SF3A3: variants seen among roughly 807,000 people sequenced by gnomAD.
SF3A3 encodes splicing factor 3a subunit 3.
SF3A3 carries 9 observed loss-of-function variants against 85.8 expected under a neutral mutation model. The observed-to-expected ratio is 0.10, with a 90% CI of 0.06 to 0.18. The LOEUF is 0.18. Ranked by LOEUF, SF3A3 falls within the 10% of genes least tolerant of loss-of-function variation. The pLI, the probability that SF3A3 is intolerant of heterozygous loss-of-function variation, is 1.00. For missense variants in SF3A3, 306 were observed against 593.3 expected (o/e 0.52, Z 5.03); for synonymous variants, 195 against 204.4 (o/e 0.95, Z 0.39).
At chr1:37,983,480 T>C (rs1266484064) in intron 6 of SF3A3, among the ~76,000 whole-genome samples, 1 of 140,496 alleles carries the variant, frequency 7.1e-6, no homozygotes, top group Non-Finnish European at 1.5e-5. Context: ...AAGTACTTGG[T>C]GGGGCTGAGG....
Position 37,969,628 on chromosome 1 carries a change from A to T in SF3A3, c.1113T>A (p.Asp371Glu), listed in dbSNP as rs773710022. 6.2e-7 allele frequency: 1 copy of T among 1,614,046 alleles called. No homozygotes were observed. The highest frequency in any genetic ancestry group is 8.5e-7 in the Non-Finnish European group (1 of 1,179,984). The change falls in exon 13 of 17, where the codon GAT (aspartate) becomes GAA (glutamate). Residue 371 changes from aspartate to glutamate, a missense_variant. Coordinates refer to ENST00000373019, the MANE Select transcript of SF3A3 (RefSeq NM_006802.4). ...GGTTGTAAATGATCTCGTTCTCTTC[A>T]TCTTCACTCTCACTCTCACTGATCT... Reference protein sequence around the residue: ...EEQISESESEDEENEIIYNPK... With the variant: ...EEQISESESEEEENEIIYNPK...
At chr1:37,986,524 T>C (rs1479052062) in intron 4 of SF3A3, among the ~76,000 whole-genome samples, 1 of 151,880 alleles carries the variant, frequency 6.6e-6, no homozygotes, top group Non-Finnish European at 1.5e-5. Flanking sequence ...CTCCAGGGCA[T>C]ATGAGGGCCG....
intron 5 of SF3A3, 67 bp downstream of exon 5, chr1:37,984,640 T>C (rs1027782226): frequency 3.8e-6 from 4 of 1,059,306 alleles, no homozygotes; most frequent in Non-Finnish European, 5.9e-6. Context: ...AGGCCATGGC[T>C]GCAAATCTGA....
rs1337717179 is a variant in SF3A3, at chr1:37,989,511, C to T, written c.144+37G>A. On this transcript the variant is annotated intron_variant, in intron 2 of 16. Transcript: ENST00000373019. ...CACTTCCCCTCTCTTTTCCCGCCCT[C>T]GCCAACCCAAAGAGAGGCAGACAGC... 5 of 1,605,932 alleles carry T rather than the reference C, an allele frequency of 3.1e-6. No individual in the cohort carries two copies. The South Asian group carries it at 3.3e-5, about 11-fold the overall frequency.
chr1:37,979,261 T>A, intron 9 of SF3A3: 1 of 622,966 alleles, frequency 1.6e-6, no homozygotes, highest in South Asian at 2.1e-5. Flanking sequence ...TTTACTTTAC[T>A]ACGGCTTAAT....
intron 12 of SF3A3, among the ~76,000 whole-genome samples, chr1:37,971,056 T>A (rs1646341670): frequency 6.6e-6 from 1 of 151,650 alleles, no homozygotes; most frequent in South Asian, 2.1e-4. Context: ...TCAAAAAAAA[T>A]CAATGAATCC....
chr1:37,989,976 T>A lies in SF3A3; in HGVS notation c.-11A>T. On this transcript the variant is annotated 5_prime_UTR_variant, in exon 1 of 17. Transcript: ENST00000373019. ...CAGTATTGTCTCCATCTTCCCTTAG[T>A]CGCGGCTTCTCAATTCAGACCACCA... The A allele has an allele frequency of 6.2e-7, 1 of 1,601,854 alleles. No homozygotes were observed. Among genetic ancestry groups the A allele is most frequent in the Non-Finnish European group, 8.5e-7 (1 of 1,173,708 alleles).
intron 16 of SF3A3, among the ~76,000 whole-genome samples, chr1:37,959,128 G>C (rs968138795): frequency 6.6e-6 from 1 of 150,996 alleles, no homozygotes; most frequent in African/African-American, 2.4e-5. Flanking sequence ...ACCCAGGCTG[G>C]AGTGCAATGG....
In SF3A3 at chr1:37,960,243, CCT is replaced by C. The variant is rs1646248102; in HGVS notation, c.1373-70_1373-69del. ...TCTGTTGGGTATCCAGTGTTATAAT[CCT>C]CTCTCCCTGCCATTAGGATGCTCCC... On this transcript the variant is annotated intron_variant, in intron 15 of 16. Coordinates refer to ENST00000373019, the MANE Select transcript of SF3A3 (RefSeq NM_006802.4). 7 of 1,400,156 alleles carry C rather than the reference CCT, an allele frequency of 5.0e-6. 1 individual carries two copies. In the South Asian group the frequency reaches 8.2e-5, roughly 16 times the overall value. 86.7% of individuals were successfully genotyped at this position (1,400,156 alleles called of 1,614,324 possible).
chr1:37,976,137 C>T (rs1022846410), intron 12 of SF3A3, among the ~76,000 whole-genome samples: 1 of 132,408 alleles, frequency 7.6e-6, no homozygotes, highest in African/African-American at 2.9e-5. Context: ...GCCTGGGTGA[C>T]AGAGCAAGAC....
Position 37,969,562 on chromosome 1 carries a change from G to A in SF3A3, c.1170+9C>T. 6.2e-7 allele frequency: 1 copy of A among 1,614,180 alleles called. No homozygotes were observed. The highest frequency in any genetic ancestry group is 8.5e-7 in the Non-Finnish European group (1 of 1,180,024). The stretch of plus-strand genomic sequence containing the variant: ...GGAATGGGGAGAAAGTGGTAGTGCT[G>A]AGACTTACTTTGCCATCCCAGCCAA... On this transcript the variant is annotated intron_variant, in intron 13 of 16. Coordinates refer to ENST00000373019, the MANE Select transcript of SF3A3 (RefSeq NM_006802.4).
chr1:37,985,582 TTTTG>T (rs1443485692), intron 4 of SF3A3, among the ~76,000 whole-genome samples: 1 of 151,930 alleles, frequency 6.6e-6, no homozygotes, highest in African/African-American at 2.4e-5. Context: ...CTGCATAGGT[TTTTG>T]TTTTTGTTTT....
At chr1:37,974,292 GACC>G (rs1478648721) in intron 12 of SF3A3, among the ~76,000 whole-genome samples, 1 of 123,412 alleles carries the variant, frequency 8.1e-6, no homozygotes, top group African/African-American at 3.0e-5. Context: ...TCACCAAGAT[GACC>G]ACTTTTTTTT....
chr1:37,962,285 CAAAAAAAAAAAAAAAAA>C (rs10559284), intron 15 of SF3A3, among the ~76,000 whole-genome samples: 5 of 26,512 alleles, frequency 1.9e-4, no homozygotes, highest in Non-Finnish European at 3.1e-4. Flanking sequence ...GCGAGACTGT[CAAAAAAAAAAAAAAAAA>C]AAAAAAAAAA....
Position 37,958,031 on chromosome 1 carries a change from G to A in SF3A3, c.*155C>T, listed in dbSNP as rs1646232037. The A allele has an allele frequency of 1.6e-6, 1 of 619,798 alleles. No individual in the cohort carries two copies. The allele number at this position is 619,798 out of a possible 1,614,324, so 38.4% of individuals were successfully genotyped here. A position where few individuals can be genotyped will look rare whatever the true frequency, so the allele number is the denominator to read the frequency against. On this transcript the variant is annotated 3_prime_UTR_variant, in exon 17 of 17. Transcript: ENST00000373019. ...AACAGATAAAACACATCTCAACCCT[G>A]CAATCTGCCAGCATGCCTTGTTTCT...
intron 2 of SF3A3, among the ~76,000 whole-genome samples, chr1:37,989,044 C>A (rs185420597): frequency 3.9e-5 from 6 of 152,130 alleles, no homozygotes; most frequent in African/African-American, 7.2e-5. Context: ...GTAATCTCAG[C>A]ACTTTGGGAG....
chr1:37,981,943 GT>G, intron 6 of SF3A3, 132 bp from the exon 7 acceptor site: 1 of 570,310 alleles, frequency 1.8e-6, no homozygotes, highest in South Asian at 2.4e-5. Context: ...GCTAATTTTG[GT>G]TTTTTTTGCT....
At chr1:37,988,489 T>C (rs2148725888) in intron 2 of SF3A3, among the ~76,000 whole-genome samples, 1 of 152,280 alleles carries the variant, frequency 6.6e-6, no homozygotes, top group Admixed American at 6.5e-5. Context: ...AAAAAGCCTA[T>C]CACAGGTTCG....
At chr1:37,985,186 T>C (rs1331704920) in intron 4 of SF3A3, among the ~76,000 whole-genome samples, 1 of 152,242 alleles carries the variant, frequency 6.6e-6, no homozygotes, top group Non-Finnish European at 1.5e-5. Context: ...GATGATTTAT[T>C]TGGCCTTGAT....
Sources: gnomAD v4.1 joint callset for allele counts (sites outside exome capture counted in the v4.1 genomes callset) on GRCh38, gnomAD v4.1.1 for gene constraint, MANE v1.5 for transcripts, NCBI Gene and HGNC (gene_info 2026-07-23, HGNC 2026-07-21) for gene names.